The following LIMS2 variants were observed in gnomAD, a reference collection of about 807,000 sequenced individuals.
LIMS2 encodes the protein LIM and senescent cell antigen-like-containing domain protein 2.
A neutral mutation model predicts 45.3 loss-of-function variants in LIMS2; 30 were observed. The observed-to-expected ratio is 0.66, with a 90% CI of 0.50 to 0.90. The LOEUF (loss-of-function observed/expected upper bound fraction) is 0.90. Among genes scored for constraint, LIMS2 ranks in the 40% least tolerant of loss-of-function variants. The pLI is 0.00. For missense variants in LIMS2, 485 were observed against 468.7 expected (o/e 1.03, Z -0.32); for synonymous variants, 173 against 188.0 (o/e 0.92, Z 0.65).
At chr2:127,650,208 C>T in intron 4 of LIMS2, 7 of 777,408 alleles carry the variant, frequency 9.0e-6, no homozygotes, top group Non-Finnish European at 1.3e-5. Flanking sequence ...GCCACTGCAC[C>T]TGTGGGCAGG....
chr2:127,656,667 C>T (rs774521383), intron 2 of LIMS2, among the ~76,000 whole-genome samples: 6 of 152,104 alleles, frequency 3.9e-5, no homozygotes, highest in Admixed American at 2.0e-4. Context: ...CATCTGCCTC[C>T]GCCTCCCAAA....
intron 1 of LIMS2, among the ~76,000 whole-genome samples, chr2:127,668,665 T>G (rs1465292603): frequency 3.9e-5 from 1 of 25,530 alleles, no homozygotes; most frequent in Non-Finnish European, 7.0e-5. Context: ...TGAGACTCCG[T>G]CTCAAAAAAA....
At chr2:127,643,345 A>G in intron 4 of LIMS2, 1 of 529,192 alleles carries the variant, frequency 1.9e-6, no homozygotes, top group Non-Finnish European at 3.5e-6. Context: ...TACTTTCTCT[A>G]AGCCTGGGGC....
At position 127,653,136 on chromosome 2, in the gene LIMS2, G is replaced by T. The variant is rs1683970183; in HGVS notation, c.359+1288C>A. Among the ~76,000 whole-genome samples, 1 of 152,148 alleles carries T rather than the reference G, an allele frequency of 6.6e-6. No homozygotes were observed. The highest frequency in any genetic ancestry group is 2.4e-5 in the African/African-American group (1 of 41,420). ...GCACCGCCCAGCTCCGAGGACAGTG[G>T]GCCGGACGCCAGGCCCCAGGCCACG... On this transcript the variant is annotated intron_variant, in intron 4 of 9. Coordinates refer to ENST00000355119, the MANE Select transcript of LIMS2 (RefSeq NM_001161403.3). The surrounding 1 kb of genome is among the most constrained non-coding windows in gnomAD (Gnocchi z 5.3).
At chr2:127,668,668 CA>C (rs70985469) in intron 1 of LIMS2, among the ~76,000 whole-genome samples, 1,456 of 17,232 alleles carry the variant, frequency 0.084, 45 homozygotes, top group African/African-American at 0.09. Flanking sequence ...GACTCCGTCT[CA>C]AAAAAAAAAA....
chr2:127,654,936 A>G (rs1684155050), intron 2 of LIMS2, 40 bp from the exon 3 acceptor site: 6 of 1,581,814 alleles, frequency 3.8e-6, no homozygotes, highest in Middle Eastern at 1.7e-4. Context: ...CAAACCACCT[A>G]TCATCCCCAT....
intron 4 of LIMS2, chr2:127,643,965 C>G: frequency 2.3e-6 from 1 of 440,570 alleles, no homozygotes; most frequent in South Asian, 1.6e-5. Context: ...AGGGAGGATA[C>G]GGAAGAGATC....
rs763256485 is a variant in LIMS2 at position 127,639,388 on chromosome 2, T to G, written c.919A>C (p.Arg307=). 2.6e-4 allele frequency: 420 copies of G among 1,613,770 alleles called. 3 individuals carry two copies. Among genetic ancestry groups the G allele is most frequent in the Non-Finnish European group, 3.6e-5 (43 of 1,179,896 alleles). Reference sequence around the variant, plus strand: ...TCCAGCGGGAACTTCTCGTAGCACCTCTTACACACGGGCTTCATGTCGAAC... The same window carrying G: ...TCCAGCGGGAACTTCTCGTAGCACCGCTTACACACGGGCTTCATGTCGAAC... The part of the protein sequence containing the change: ...VEFDMKPVCK[R]CYEKFPLELK... The change falls in exon 10 of 10, where the codon AGG becomes CGG. Residue 307 remains arginine, a synonymous_variant. Coordinates refer to ENST00000355119, the MANE Select transcript of LIMS2 (RefSeq NM_001161403.3).
At chr2:127,674,906 G>A in intron 1 of LIMS2, 108 bp downstream of exon 1, 6 of 1,219,316 alleles carry the variant, frequency 4.9e-6, no homozygotes, top group Non-Finnish European at 5.1e-6. Flanking sequence ...GCGCCAGGGC[G>A]GAGCGGGGAT....
intron 2 of LIMS2, 38 bp downstream of exon 2, chr2:127,657,365 C>CAT (rs1205435832): frequency 6.2e-7 from 1 of 1,612,454 alleles, no homozygotes; most frequent in East Asian, 2.2e-5. Context: ...GGGCAGACTC[C>CAT]GAGCTGGGTC....
intron 1 of LIMS2, among the ~76,000 whole-genome samples, chr2:127,663,660 C>T (rs1165438075): frequency 7.5e-6 from 1 of 133,290 alleles, no homozygotes; most frequent in East Asian, 2.8e-4. Flanking sequence ...CCAGCCTTGG[C>T]CTCCTCCCCA....
rs1277327847 is a variant in LIMS2, at chr2:127,667,369, A to C, written c.11+7645T>G. 6.6e-6 allele frequency among the ~76,000 whole-genome samples: 1 copy of C among 152,262 alleles called. No homozygotes were observed. Among genetic ancestry groups the C allele is most frequent in the Non-Finnish European group, 1.5e-5 (1 of 68,048 alleles). ...CAAACAAAAGAAAAGAAAGACTAGG[A>C]GGGAATACTTCACAACTCATTCTAT... On this transcript the variant is annotated intron_variant, in intron 1 of 9. Coordinates refer to ENST00000355119, the MANE Select transcript of LIMS2 (RefSeq NM_001161403.3). This position sits in a 1 kb window ranked among gnomAD's most constrained non-coding sequence, Gnocchi z 4.1.
intron 8 of LIMS2, 29 bp downstream of exon 8, chr2:127,640,241 G>A (rs1428621367): frequency 1.2e-6 from 2 of 1,612,976 alleles, no homozygotes; most frequent in Admixed American, 1.7e-5. Context: ...GAGAGCAGGT[G>A]GGGTGGGGGA....
chr2:127,661,718 G>A (rs1684675222), intron 1 of LIMS2, among the ~76,000 whole-genome samples: 1 of 152,202 alleles, frequency 6.6e-6, no homozygotes, highest in South Asian at 2.1e-4. Context: ...AGTTTTGACA[G>A]CCAATACAAG....
At chr2:127,650,807 C>T (rs746294799) in intron 4 of LIMS2, 2 of 1,613,742 alleles carry the variant, frequency 1.2e-6, no homozygotes, top group Admixed American at 3.3e-5. Context: ...AGCAATGTGG[C>T]CAGGAGACGC....
chr2:127,656,525 T>C (rs1254860626), intron 2 of LIMS2, among the ~76,000 whole-genome samples: 1 of 151,882 alleles, frequency 6.6e-6, no homozygotes, highest in Non-Finnish European at 1.5e-5. Context: ...GTGATTCTCC[T>C]GCCTCAGCCT....
At chr2:127,676,931 AGAG>A (rs1297568605), upstream of LIMS2, among the ~76,000 whole-genome samples, 1 of 152,250 alleles carries the variant, frequency 6.6e-6, no homozygotes, top group Non-Finnish European at 1.5e-5. Context: ...TGCTCTCCAC[AGAG>A]GAGACCACAT....
Position 127,664,710 on chromosome 2 carries a change from C to T in LIMS2, c.12-7148G>A. On this transcript the variant is annotated intron_variant, in intron 1 of 9. Transcript: ENST00000355119. The surrounding 1 kb of genome is among the most constrained non-coding windows in gnomAD (Gnocchi z 5.5). ...AGCACTGAGGTGAGGTCCACAGTGG[C>T]GGCAGGACACCCAGGAGGTCTCCGG... is the stretch of plus-strand genomic sequence containing the variant. The T allele has an allele frequency of 1.6e-6, 1 of 642,468 alleles. No homozygotes were observed. The highest frequency in any genetic ancestry group is 1.9e-6 in the Non-Finnish European group (1 of 516,742). The allele number at this position is 642,468 out of a possible 1,614,324, so 39.8% of individuals were successfully genotyped here. A position where few individuals can be genotyped will look rare whatever the true frequency, so the allele number is the denominator to read the frequency against.
Position 127,640,335 on chromosome 2 carries a change from CTG to C in LIMS2, c.754-19_754-18del. On this transcript the variant is annotated intron_variant, in intron 7 of 9. Transcript: ENST00000355119. ...CCCGAAGAGCTGTGGGCCGAGCAGG[CTG>C]TCAGAGTAGCTGCAGGCAGTCACAC... 1 of 1,611,826 alleles carries C rather than the reference CTG, an allele frequency of 6.2e-7. No homozygotes were observed.
Sources: allele counts gnomAD v4.1 joint callset (sites outside exome capture counted in the v4.1 genomes callset), GRCh38; gene constraint gnomAD v4.1.1; non-coding constraint Gnocchi (gnomAD v3.1); transcripts MANE v1.5; gene names NCBI Gene and HGNC (gene_info 2026-07-23, HGNC 2026-07-21).